CCNJL: variants seen among roughly 807,000 people sequenced by gnomAD.
The protein encoded by CCNJL is cyclin J like.
Under a neutral mutation model 33.4 loss-of-function variants are expected in CCNJL, and 33 were observed. The observed-to-expected ratio is 0.99, with a 90% CI of 0.75 to 1.32. CCNJL has a LOEUF of 1.32. Among genes scored for constraint, CCNJL ranks in the 40% most tolerant of loss-of-function variants. CCNJL has a pLI of 0.00. For missense variants in CCNJL, 512 were observed against 499.7 expected (o/e 1.02, Z -0.23); for synonymous variants, 227 against 220.9 (o/e 1.03, Z -0.24).
intron 2 of CCNJL, among the ~76,000 whole-genome samples, chr5:160,303,857 T>C (rs1413617096): frequency 6.6e-6 from 1 of 152,118 alleles, no homozygotes; most frequent in African/African-American, 2.4e-5. Flanking sequence ...CCCGAGGGAC[T>C]GTGTGATTTA....
Position 160,250,492 on chromosome 5 carries a change from G to A in CCNJL, c.*2886C>T, listed in dbSNP as rs2113174099. ...TCCTCCCCTAATTGTCTAATCAAAGGCATCTGCACTTAGCAAATGTCTCAG... is the reference window on the plus strand; with the variant it reads ...TCCTCCCCTAATTGTCTAATCAAAGACATCTGCACTTAGCAAATGTCTCAG... On this transcript the variant is annotated 3_prime_UTR_variant, in exon 6 of 6. Transcript: ENST00000257536. The A allele has an allele frequency of 6.6e-6, 1 of 152,340 alleles. No individual in the cohort carries two copies. Among genetic ancestry groups the A allele is most frequent in the South Asian group, 2.1e-4 (1 of 4,826 alleles). 9.4% of individuals were successfully genotyped at this position (152,340 alleles called of 1,614,324 possible).
In CCNJL at chr5:160,255,698, G is replaced by A; in HGVS notation, c.594C>T (p.Phe198=). 1 of 1,613,834 alleles carries A rather than the reference G, an allele frequency of 6.2e-7. No homozygotes were observed. The highest frequency in any genetic ancestry group is 8.5e-7 in the Non-Finnish European group (1 of 1,180,024). Residue 198 remains phenylalanine (F), a synonymous_variant, in exon 5 of 6, where the codon TTC becomes TTT. Transcript: ENST00000257536. The stretch of plus-strand genomic sequence containing the variant: ...CGACCACAGAAGGCTGGAATTTGTA[G>A]AATATGTGATCTGAAAGAAAGCCAC... ...FLEVTLQDHI[F]YKFQPSVVAA... is the part of the protein sequence containing the mutation.
intron 1 of CCNJL, among the ~76,000 whole-genome samples, chr5:160,323,873 C>T (rs1371399359): frequency 6.6e-6 from 1 of 152,182 alleles, no homozygotes; most frequent in Non-Finnish European, 1.5e-5. Flanking sequence ...TGAGTTGGGA[C>T]ATTGATTTTT....
At chr5:160,306,143 C>T (rs751259915) in intron 2 of CCNJL, among the ~76,000 whole-genome samples, 5 of 151,796 alleles carry the variant, frequency 3.3e-5, no homozygotes, top group Admixed American at 6.6e-5. Flanking sequence ...GTGTGGTGTG[C>T]GCCTGTAATC....
intron 2 of CCNJL, among the ~76,000 whole-genome samples, chr5:160,310,232 C>T (rs1351134029): frequency 6.6e-6 from 1 of 152,178 alleles, no homozygotes; most frequent in Non-Finnish European, 1.5e-5. Context: ...AGGGCCAGGA[C>T]CATACCCCTA....
chr5:160,277,933 G>A (rs1762074024), intron 3 of CCNJL, among the ~76,000 whole-genome samples: 1 of 151,830 alleles, frequency 6.6e-6, no homozygotes, highest in African/African-American at 2.4e-5. Flanking sequence ...CTGAGATGGG[G>A]TTTCGTTCTT....
At chr5:160,332,628 T>C (rs1328389048) in intron 1 of CCNJL, among the ~76,000 whole-genome samples, 1 of 152,158 alleles carries the variant, frequency 6.6e-6, no homozygotes, top group Admixed American at 6.5e-5. Flanking sequence ...TGCTCCCACC[T>C]CAGGGCCTCC....
chr5:160,284,845 AAG>A (rs1269947834), intron 2 of CCNJL, among the ~76,000 whole-genome samples: 4 of 152,226 alleles, frequency 2.6e-5, no homozygotes, highest in Non-Finnish European at 5.9e-5. Context: ...TCTTAATTAG[AAG>A]ACTTTCAAAG....
intron 1 of CCNJL, chr5:160,326,892 T>C: frequency 1.5e-6 from 1 of 680,764 alleles, no homozygotes. Flanking sequence ...AGATTCATTC[T>C]AAAACAAAGT....
chr5:160,292,066 AAAAAC>A (rs1157124059), intron 2 of CCNJL, among the ~76,000 whole-genome samples: 1 of 152,106 alleles, frequency 6.6e-6, no homozygotes, highest in Non-Finnish European at 1.5e-5. Context: ...CGTCTCTTTA[AAAAAC>A]AAAACAAAAC....
At position 160,249,768 on chromosome 5, in the gene CCNJL, AT is replaced by A. The variant is rs1760756869; in HGVS notation, c.*3609del. The stretch of plus-strand genomic sequence containing the variant: ...ACAGAGTGAGACCCTGTTTCAAAAA[AT>A]AAATAAATAAATAAATAAATAAATA... On this transcript the variant is annotated 3_prime_UTR_variant, in exon 6 of 6. Coordinates refer to ENST00000257536, the MANE Select transcript of CCNJL (RefSeq NM_001308173.3). The A allele has an allele frequency of 1.8e-4, 15 of 83,004 alleles. No individual in the cohort carries two copies. Among genetic ancestry groups the A allele is most frequent in the Admixed American group, 1.2e-3 (12 of 9,684 alleles). The allele number at this position is 83,004 out of a possible 1,614,324, so 5.1% of individuals were successfully genotyped here.
rs570264934 is a variant in CCNJL, at chr5:160,295,714, C to T, written c.67-14976G>A. Among the ~76,000 whole-genome samples the T allele has an allele frequency of 3.9e-5, 6 of 152,164 alleles. No individual in the cohort carries two copies. In the South Asian group the frequency reaches 1.2e-3, roughly 32 times the overall value. On this transcript the variant is annotated intron_variant, in intron 2 of 5. Transcript: ENST00000257536. ...GATGCAGCTACAAGCCAAGGAAGAC[C>T]ACGGATAAAATGCCAGCTGCTGCCA...
chr5:160,312,058 C>T, intron 1 of CCNJL, 86 bp from the exon 2 acceptor site: 6 of 814,102 alleles, frequency 7.4e-6, no homozygotes, highest in Non-Finnish European at 9.9e-6. Context: ...CCCCTGGCCC[C>T]GGGCCCCGGC....
rs1760804413 is a variant in CCNJL at position 160,251,566 on chromosome 5, C to G, written c.*1812G>C. 6.6e-6 allele frequency: 1 copy of G among 152,222 alleles called. No individual in the cohort carries two copies. Among genetic ancestry groups the G allele is most frequent in the Non-Finnish European group, 1.5e-5 (1 of 68,116 alleles). 9.4% of individuals were successfully genotyped at this position (152,222 alleles called of 1,614,324 possible). A position where few individuals can be genotyped will look rare whatever the true frequency, so the allele number is the denominator to read the frequency against. On this transcript the variant is annotated 3_prime_UTR_variant, in exon 6 of 6. Coordinates refer to ENST00000257536, the MANE Select transcript of CCNJL (RefSeq NM_001308173.3). Reference sequence around the variant, plus strand: ...CTTGCTGCTGCCCCCAATATTCCACCCTCTACCATAGGGAGATGCTCACCA... The same window carrying G: ...CTTGCTGCTGCCCCCAATATTCCACGCTCTACCATAGGGAGATGCTCACCA...
At chr5:160,274,527 C>T (rs1761945875) in intron 3 of CCNJL, among the ~76,000 whole-genome samples, 2 of 152,178 alleles carry the variant, frequency 1.3e-5, no homozygotes. Flanking sequence ...GCATGACTGA[C>T]TCACAGAGCT....
chr5:160,334,152 A>G (rs1035526327), intron 1 of CCNJL, among the ~76,000 whole-genome samples: 2 of 151,392 alleles, frequency 1.3e-5, no homozygotes, highest in Non-Finnish European at 2.9e-5. Context: ...CAACCACCCT[A>G]CTCCATTGGG....
intron 1 of CCNJL, among the ~76,000 whole-genome samples, chr5:160,337,003 C>CTTTTTTTTTTTT (rs35461944): frequency 1.9e-4 from 18 of 95,062 alleles, no homozygotes; most frequent in East Asian, 3.3e-4. Context: ...CTTTTTCTTT[C>CTTTTTTTTTTTT]TTTTTTTTTT....
intron 2 of CCNJL, among the ~76,000 whole-genome samples, chr5:160,290,469 T>C (rs1762547439): frequency 6.6e-6 from 1 of 152,118 alleles, no homozygotes; most frequent in East Asian, 1.9e-4. Context: ...GTTTTCACCA[T>C]GTTGGCCAGG....
Position 160,259,461 on chromosome 5 carries a change from G to C in CCNJL, c.583+8C>G. ...TGGGAGGTCCTGCCATCGGGTCCCAGCTGTCACCTTGCAGGGTGACCTCTA... is the reference window on the plus strand; with the variant it reads ...TGGGAGGTCCTGCCATCGGGTCCCACCTGTCACCTTGCAGGGTGACCTCTA... On this transcript the variant is annotated splice_region_variant and intron_variant, in intron 4 of 5. Coordinates refer to ENST00000257536, the MANE Select transcript of CCNJL (RefSeq NM_001308173.3). 1.9e-6 allele frequency: 3 copies of C among 1,604,142 alleles called. No individual in the cohort carries two copies. Among genetic ancestry groups the C allele is most frequent in the Non-Finnish European group, 2.6e-6 (3 of 1,174,092 alleles).
Sources: gnomAD v4.1 joint callset for allele counts (sites outside exome capture counted in the v4.1 genomes callset) on GRCh38, gnomAD v4.1.1 for gene constraint, MANE v1.5 for transcripts, NCBI Gene and HGNC (gene_info 2026-07-23, HGNC 2026-07-21) for gene names.